Variants in KCNK2 observed in about 807,000 individuals in gnomAD.
The protein encoded by KCNK2 is potassium channel subfamily K member 2.
A neutral mutation model predicts 40.5 loss-of-function variants in KCNK2; 21 were observed. The ratio of observed to expected loss-of-function variants is 0.52; its 90% CI spans 0.37 to 0.75. The LOEUF (loss-of-function observed/expected upper bound fraction) is 0.75. KCNK2 is among the 30% of genes least tolerant of loss of function. The pLI is 0.00. For synonymous variants in KCNK2, 191 were observed against 202.2 expected (o/e 0.94, Z 0.47); for missense variants, 399 against 531.6 (o/e 0.75, Z 2.45).
At chr1:215,161,336 G>A (rs1663184239) in intron 3 of KCNK2, among the ~76,000 whole-genome samples, 1 of 151,700 alleles carries the variant, frequency 6.6e-6, no homozygotes, top group African/African-American at 2.4e-5. Flanking sequence ...TACATGTATT[G>A]TTCATCAGCC....
chr1:215,055,442 A>G (rs185449873), intron 1 of KCNK2, among the ~76,000 whole-genome samples: 1 of 152,310 alleles, frequency 6.6e-6, no homozygotes, highest in East Asian at 1.9e-4. Context: ...TCCCCACAGA[A>G]CTGCTTCTGT....
chr1:215,230,642 A>G (rs909341398), intron 6 of KCNK2, among the ~76,000 whole-genome samples: 1 of 147,670 alleles, frequency 6.8e-6, no homozygotes. Context: ...TTGTCCTGTG[A>G]AATAGGTTAT....
At chr1:215,102,005 A>T (rs1385125068) in intron 2 of KCNK2, among the ~76,000 whole-genome samples, 1 of 151,904 alleles carries the variant, frequency 6.6e-6, no homozygotes, top group Non-Finnish European at 1.5e-5. Context: ...TTTTAAATTG[A>T]TATATAATAG....
intron 6 of KCNK2, among the ~76,000 whole-genome samples, chr1:215,210,655 G>A (rs1263597679): frequency 6.6e-6 from 1 of 152,000 alleles, no homozygotes; most frequent in Non-Finnish European, 1.5e-5. Flanking sequence ...TATATAGAGA[G>A]AGAGTAGCAT....
chr1:215,088,529 T>C lies in KCNK2; in HGVS notation c.357+1851T>C, dbSNP rs535973699. ...GGATTGTAGCCTCTGATTCATGTAG[T>C]TGCATTCTTATCACCTGGAGTGAGA... On this transcript the variant is annotated intron_variant, in intron 2 of 6. Coordinates refer to ENST00000444842, the MANE Select transcript of KCNK2 (RefSeq NM_001017425.3). 1.6e-3 allele frequency among the ~76,000 whole-genome samples: 240 copies of C among 151,992 alleles called. 1 individual carries two copies. Among genetic ancestry groups the C allele is most frequent in the Admixed American group, 3.7e-3 (56 of 15,288 alleles).
intron 3 of KCNK2, among the ~76,000 whole-genome samples, chr1:215,159,290 T>A (rs1466175087): frequency 6.6e-6 from 1 of 152,150 alleles, no homozygotes; most frequent in East Asian, 1.9e-4. Flanking sequence ...TCATCTTGAC[T>A]CTAGGCACCC....
chr1:215,186,859 T>G (rs144352995), intron 5 of KCNK2, among the ~76,000 whole-genome samples: 174 of 152,342 alleles, frequency 1.1e-3, no homozygotes, highest in Middle Eastern at 3.4e-3. Flanking sequence ...ATTTGACATA[T>G]GAGTAAGCAG....
chr1:215,124,813 T>C, intron 3 of KCNK2, 63 bp downstream of exon 3: 1 of 987,130 alleles, frequency 1.0e-6, no homozygotes, highest in Admixed American at 1.8e-5. Context: ...ATCCATTTGT[T>C]TGAATTTTTT....
intron 5 of KCNK2, among the ~76,000 whole-genome samples, chr1:215,178,748 A>G (rs1431752808): frequency 6.6e-6 from 1 of 151,868 alleles, no homozygotes; most frequent in Admixed American, 6.6e-5. Flanking sequence ...GTGCTGTTGG[A>G]CTCAGTTTGT....
upstream of KCNK2, among the ~76,000 whole-genome samples, chr1:215,079,016 C>G (rs1392579793): frequency 6.6e-6 from 1 of 152,096 alleles, no homozygotes; most frequent in African/African-American, 2.4e-5. Context: ...AAAGTGAAGT[C>G]CTGTAGATTT....
At chr1:215,059,046 C>T (rs75065319) in intron 1 of KCNK2, among the ~76,000 whole-genome samples, 1 of 140,948 alleles carries the variant, frequency 7.1e-6, no homozygotes, top group Non-Finnish European at 1.6e-5. Flanking sequence ...TGTGTATGCA[C>T]ATATACATGT....
At chr1:215,061,882 A>G (rs1228344637) in intron 1 of KCNK2, among the ~76,000 whole-genome samples, 1 of 152,166 alleles carries the variant, frequency 6.6e-6, no homozygotes, top group Non-Finnish European at 1.5e-5. Context: ...GAAATTGTCT[A>G]AGGGTAGGAG....
At chr1:215,204,155 T>G (rs1665210254) in intron 6 of KCNK2, among the ~76,000 whole-genome samples, 1 of 151,384 alleles carries the variant, frequency 6.6e-6, no homozygotes. Flanking sequence ...TTCTAGTGTC[T>G]TGCTGTCTCT....
intron 3 of KCNK2, among the ~76,000 whole-genome samples, chr1:215,130,954 A>G (rs1028139745): frequency 1.1e-4 from 17 of 151,658 alleles, no homozygotes; most frequent in African/African-American, 2.7e-4. Flanking sequence ...TCCGCCTCCC[A>G]GGTTCACGCC....
upstream of KCNK2, among the ~76,000 whole-genome samples, chr1:215,081,227 C>T (rs535815519): frequency 6.6e-6 from 1 of 151,414 alleles, no homozygotes; most frequent in South Asian, 2.1e-4. Flanking sequence ...GAGAACCTTA[C>T]TGATAAAATA....
At position 215,083,198 on chromosome 1, in the gene KCNK2, C is replaced by CCCCCCCCCCCCCA; in HGVS notation, c.-183_-182insCCCCCCCACCCCC. 1 of 603,080 alleles carries CCCCCCCCCCCCCA rather than the reference C, an allele frequency of 1.7e-6. No homozygotes were observed. Among genetic ancestry groups the CCCCCCCCCCCCCA allele is most frequent in the Non-Finnish European group, 2.8e-6 (1 of 358,988 alleles). 37.4% of individuals were successfully genotyped at this position (603,080 alleles called of 1,614,324 possible). A position where few individuals can be genotyped will look rare whatever the true frequency, so the allele number is the denominator to read the frequency against. ...CGATTTCGTTTCTTCTCACGCTCCC[C>CCCCCCCCCCCCCA]CCCCCGCCCCCTCCCGCGTCCAGCC... On this transcript the variant is annotated 5_prime_UTR_variant, in exon 1 of 7. Transcript: ENST00000444842.
At chr1:215,128,145 G>C (rs2102585612) in intron 3 of KCNK2, among the ~76,000 whole-genome samples, 1 of 152,322 alleles carries the variant, frequency 6.6e-6, no homozygotes, top group South Asian at 2.1e-4. Context: ...GAGTGAGAAA[G>C]AGTTGAGGGA....
chr1:215,114,059 C>T (rs1372291777), intron 2 of KCNK2, among the ~76,000 whole-genome samples: 2 of 152,012 alleles, frequency 1.3e-5, no homozygotes, highest in East Asian at 1.9e-4. Flanking sequence ...TTTCTCTTTC[C>T]CTGCTTGGTT....
intron 1 of KCNK2, among the ~76,000 whole-genome samples, chr1:215,031,500 C>T (rs1156377214): frequency 6.6e-6 from 1 of 152,056 alleles, no homozygotes; most frequent in African/African-American, 2.4e-5. Context: ...TTGAGTAACC[C>T]TAATCTGAAA....
Sources: allele counts gnomAD v4.1 joint callset (sites outside exome capture counted in the v4.1 genomes callset), GRCh38; gene constraint gnomAD v4.1.1; transcripts MANE v1.5; gene names NCBI Gene and HGNC (gene_info 2026-07-23, HGNC 2026-07-21).